Variants in KLRF1 observed in about 807,000 individuals in gnomAD.
KLRF1 encodes the protein killer cell lectin-like receptor subfamily F member 1.
KLRF1 carries 27 observed loss-of-function variants against 30.7 expected under a neutral mutation model. The ratio of observed to expected loss-of-function variants is 0.88; its 90% CI spans 0.65 to 1.21. KLRF1 has a LOEUF of 1.21. KLRF1 is among the 50% of genes most tolerant of loss of function. The pLI is 0.00. For synonymous variants in KLRF1, 92 were observed against 89.3 expected (o/e 1.03, Z -0.17); for missense variants, 246 against 259.3 (o/e 0.95, Z 0.35).
chr12:9,819,897 C>A, the KLRF1 span, among the ~76,000 whole-genome samples: 1 of 152,224 alleles, frequency 6.6e-6, no homozygotes, highest in Non-Finnish European at 1.5e-5. Context: ...GTTGACAACA[C>A]GTCTGTACCT....
chr12:9,829,802 A>G (rs1248558145), intron 1 of KLRF1, among the ~76,000 whole-genome samples: 1 of 152,218 alleles, frequency 6.6e-6, no homozygotes, highest in Non-Finnish European at 1.5e-5. Context: ...AATTACTTTC[A>G]GAGAAATCCA....
chr12:9,807,421 A>G, the KLRF1 span, among the ~76,000 whole-genome samples: 10 of 152,092 alleles, frequency 6.6e-5, no homozygotes, highest in African/African-American at 2.2e-4. Flanking sequence ...TTTCTCAGGT[A>G]TCTGATACAG....
At chr12:9,833,757 ATTC>A (rs1867502259) in intron 3 of KLRF1, among the ~76,000 whole-genome samples, 1 of 152,118 alleles carries the variant, frequency 6.6e-6, no homozygotes, top group Non-Finnish European at 1.5e-5. Context: ...TCACTTATTT[ATTC>A]TTCTTTTTCT....
intron 3 of KLRF1, among the ~76,000 whole-genome samples, chr12:9,836,038 T>G (rs1867568150): frequency 6.6e-6 from 1 of 151,832 alleles, no homozygotes; most frequent in Non-Finnish European, 1.5e-5. Flanking sequence ...GGGGCAGCTG[T>G]GTAGGCGCTG....
the KLRF1 span, among the ~76,000 whole-genome samples, chr12:9,816,072 C>A: frequency 6.6e-6 from 1 of 152,202 alleles, no homozygotes; most frequent in Non-Finnish European, 1.5e-5. Flanking sequence ...CCCGCCTCGG[C>A]CTCCCAAAGT....
intron 3 of KLRF1, among the ~76,000 whole-genome samples, chr12:9,839,890 G>A (rs1227404251): frequency 6.6e-6 from 1 of 152,024 alleles, no homozygotes; most frequent in African/African-American, 2.4e-5. Flanking sequence ...ACAAAAATTT[G>A]TACATGAATG....
In KLRF1 at chr12:9,831,328, G is replaced by A. The variant is rs569668695; in HGVS notation, c.86-988G>A. 5.2e-4 allele frequency among the ~76,000 whole-genome samples: 79 copies of A among 152,080 alleles called. 1 individual carries two copies. The highest frequency in any genetic ancestry group is 1.2e-3 in the African/African-American group (49 of 41,520). On this transcript the variant is annotated intron_variant, in intron 1 of 5. Transcript: ENST00000617889. Reference sequence around the variant, plus strand: ...AATGTTATGATAAGAGAAACCCTGCGAACTATTTATCTAAAATATCATTCT... The same window carrying A: ...AATGTTATGATAAGAGAAACCCTGCAAACTATTTATCTAAAATATCATTCT...
the KLRF1 span, among the ~76,000 whole-genome samples, chr12:9,813,781 G>A: frequency 7.9e-3 from 1,208 of 152,274 alleles, 12 homozygotes; most frequent in African/African-American, 0.027. Flanking sequence ...AGACTTCTTA[G>A]TGCAGGGAAA....
At chr12:9,827,767 C>A in intron 1 of KLRF1, 138 bp downstream of exon 1, 1 of 484,910 alleles carries the variant, frequency 2.1e-6, no homozygotes, top group Non-Finnish European at 3.7e-6. Context: ...CTCACCTGTC[C>A]TCTCTTTCAA....
the KLRF1 span, among the ~76,000 whole-genome samples, chr12:9,801,892 C>A: frequency 6.6e-6 from 1 of 152,094 alleles, no homozygotes; most frequent in Non-Finnish European, 1.5e-5. Flanking sequence ...GTTGCAATTG[C>A]TTTTAGCATT....
the KLRF1 span, among the ~76,000 whole-genome samples, chr12:9,800,187 C>T: frequency 6.6e-6 from 1 of 152,050 alleles, no homozygotes; most frequent in Non-Finnish European, 1.5e-5. Context: ...AGTGGCTGTG[C>T]CATTTTGCAT....
intron 4 of KLRF1, 103 bp downstream of exon 4, chr12:9,842,054 C>T (rs1409331025): frequency 4.6e-6 from 6 of 1,308,692 alleles, no homozygotes; most frequent in Admixed American, 2.3e-5. Context: ...CCTTGATTAT[C>T]GAGTTTTGGG....
At chr12:9,807,566 T>C in the KLRF1 span, among the ~76,000 whole-genome samples, 4 of 152,162 alleles carry the variant, frequency 2.6e-5, no homozygotes, top group Non-Finnish European at 5.9e-5. Context: ...TGACTTCTAA[T>C]AAGTTAAAAG....
At chr12:9,822,588 A>G (rs1867238817), upstream of KLRF1, among the ~76,000 whole-genome samples, 1 of 152,222 alleles carries the variant, frequency 6.6e-6, no homozygotes, top group Non-Finnish European at 1.5e-5. Context: ...CCAACTAACA[A>G]TACAATGACA....
chr12:9,839,148 CTG>C (rs1867649944), intron 3 of KLRF1, among the ~76,000 whole-genome samples: 1 of 152,052 alleles, frequency 6.6e-6, no homozygotes. Flanking sequence ...GACTGGAAGA[CTG>C]AGATCATGGT....
intron 5 of KLRF1, among the ~76,000 whole-genome samples, chr12:9,842,775 A>G (rs374505316): frequency 1.3e-5 from 2 of 152,124 alleles, no homozygotes; most frequent in East Asian, 1.9e-4. Flanking sequence ...TGTGATTATC[A>G]TAGTGTCAAA....
At chr12:9,826,266 T>C (rs904162552), upstream of KLRF1, among the ~76,000 whole-genome samples, 1 of 152,070 alleles carries the variant, frequency 6.6e-6, no homozygotes, top group African/African-American at 2.4e-5. Context: ...CCTTTCCCTC[T>C]TCCCACCCTC....
chr12:9,804,964 A>C, the KLRF1 span, among the ~76,000 whole-genome samples: 1 of 151,974 alleles, frequency 6.6e-6, no homozygotes. Flanking sequence ...TCTGAGATAC[A>C]TTCTATTTGA....
At chr12:9,833,059 T>C (rs1381701721) in intron 2 of KLRF1, among the ~76,000 whole-genome samples, 1 of 152,172 alleles carries the variant, frequency 6.6e-6, no homozygotes, top group Non-Finnish European at 1.5e-5. Flanking sequence ...TTTATTATTG[T>C]ATTACCAGTT....
Sources: allele counts gnomAD v4.1 joint callset (sites outside exome capture counted in the v4.1 genomes callset), GRCh38; gene constraint gnomAD v4.1.1; transcripts MANE v1.5; gene names NCBI Gene and HGNC (gene_info 2026-07-23, HGNC 2026-07-21).